Variants in TECPR1 observed in about 807,000 individuals in gnomAD.
The protein encoded by TECPR1 is tectonin beta-propeller repeat-containing protein 1.
In TECPR1, 122 loss-of-function variants were observed where a neutral mutation model predicts 162.4. The observed-to-expected ratio is 0.75, with a 90% CI of 0.65 to 0.87. The LOEUF (loss-of-function observed/expected upper bound fraction) is 0.87. Among genes scored for constraint, TECPR1 ranks in the 40% least tolerant of loss-of-function variants. The probability of loss-of-function intolerance (pLI) is 0.00; values close to 1 mark genes in which losing one functional copy is unlikely to be tolerated. For synonymous variants in TECPR1, 642 were observed against 670.6 expected, an observed-to-expected ratio of 0.96 and a Z score of 0.66; for missense variants, 1,432 against 1,618.2, an observed-to-expected ratio of 0.88 and a Z score of 1.97.
In TECPR1 at chr7:98,241,136, G is replaced by A. The variant is rs1798736349; in HGVS notation, c.766C>T (p.Leu256=). The change falls in exon 7 of 26, where the codon CTG becomes TTG. Residue 256 remains leucine, a synonymous_variant. Transcript: ENST00000447648. The surrounding 1 kb of genome is among the most constrained non-coding windows in gnomAD (Gnocchi z 5.0). The part of the protein sequence containing the change: ...VQISCGPHDL[L]WATLWEGQAL... ...TGTCCCTCCCAGAGTGTGGCCCACA[G>A]GAGGTCGTGGGGCCCACAGCTGATC... 4 of 1,612,744 alleles carry A rather than the reference G, an allele frequency of 2.5e-6. No individual in the cohort carries two copies. Among genetic ancestry groups the A allele is most frequent in the Non-Finnish European group, 3.4e-6 (4 of 1,179,740 alleles).
rs1030800512 is a variant in TECPR1 at position 98,241,713 on chromosome 7, G to C, written c.658-469C>G. Among the ~76,000 whole-genome samples the C allele has an allele frequency of 6.6e-6, 1 of 152,160 alleles. No homozygotes were observed. The highest frequency in any genetic ancestry group is 1.5e-5 in the Non-Finnish European group (1 of 68,012). The stretch of plus-strand genomic sequence containing the variant: ...AACTGTTTGGCTCATTTTAGCTGGG[G>C]GAGACTACATGTCACTTCGTGATCC... On this transcript the variant is annotated intron_variant, in intron 6 of 25. Coordinates refer to ENST00000447648, the MANE Select transcript of TECPR1 (RefSeq NM_015395.3). This position sits in a 1 kb window ranked among gnomAD's most constrained non-coding sequence, Gnocchi z 5.0.
chr7:98,248,893 C>CT (rs1300292647), intron 2 of TECPR1, among the ~76,000 whole-genome samples: 4,250 of 139,610 alleles, frequency 0.03, 137 homozygotes, highest in African/African-American at 0.078. Flanking sequence ...CAAGGTGCAT[C>CT]TTTTTTTTTT....
In TECPR1 at chr7:98,251,527, G is replaced by C. The variant is rs1799062874; in HGVS notation, c.-153C>G. ...TCGCTGGCTGCCAGGTGCAGGGGCT[G>C]TTCAAAAGCGACATCAGGGTCCTAA... On this transcript the variant is annotated 5_prime_UTR_variant, in exon 2 of 26. Coordinates refer to ENST00000447648, the MANE Select transcript of TECPR1 (RefSeq NM_015395.3). 1 of 152,308 alleles carries C rather than the reference G, an allele frequency of 6.6e-6. No homozygotes were observed. The highest frequency in any genetic ancestry group is 2.1e-4 in the South Asian group (1 of 4,832). The allele number at this position is 152,308 out of a possible 1,614,324, so 9.4% of individuals were successfully genotyped here.
At chr7:98,246,616 C>T (rs903330590) in intron 2 of TECPR1, among the ~76,000 whole-genome samples, 1 of 151,624 alleles carries the variant, frequency 6.6e-6, no homozygotes, top group Non-Finnish European at 1.5e-5. Context: ...GAGTCTCGCT[C>T]TGTTGCCCAG....
intron 2 of TECPR1, among the ~76,000 whole-genome samples, chr7:98,249,131 C>T (rs1241939360): frequency 1.3e-5 from 2 of 152,118 alleles, no homozygotes. Context: ...TCAGGTGATC[C>T]GTCCCAAAGT....
chr7:98,241,060 G>A lies in TECPR1; in HGVS notation c.832+10C>T. 1 of 1,599,066 alleles carries A rather than the reference G, an allele frequency of 6.3e-7. No homozygotes were observed. The highest frequency in any genetic ancestry group is 8.5e-7 in the Non-Finnish European group (1 of 1,172,150). ...ACAGGGTATGTGGGTGGGGGAGCCG[G>A]GCTGCCCACCTTTGGGATTGCTCCT... On this transcript the variant is annotated intron_variant, in intron 7 of 25. Transcript: ENST00000447648. The surrounding 1 kb of genome is among the most constrained non-coding windows in gnomAD (Gnocchi z 5.0).
In TECPR1 at chr7:98,232,699, C is replaced by T; in HGVS notation, c.1818+128G>A. 8.1e-7 allele frequency: 1 copy of T among 1,231,770 alleles called. No homozygotes were observed. The highest frequency in any genetic ancestry group is 2.8e-5 in the Admixed American group (1 of 35,250). The allele number at this position is 1,231,770 out of a possible 1,614,324, so 76.3% of individuals were successfully genotyped here. A position where few individuals can be genotyped will look rare whatever the true frequency, so the allele number is the denominator to read the frequency against. ...CCCTGAGCTCATTTCTCTATGCCTG[C>T]ATCTGGGCGGGAGACCAGGGGATGG... On this transcript the variant is annotated intron_variant, in intron 12 of 25. Coordinates refer to ENST00000447648, the MANE Select transcript of TECPR1 (RefSeq NM_015395.3). This position sits in a 1 kb window ranked among gnomAD's most constrained non-coding sequence, Gnocchi z 4.6.
chr7:98,243,731 C>T, intron 5 of TECPR1, 139 bp from the exon 6 acceptor site: 1 of 1,201,422 alleles, frequency 8.3e-7, no homozygotes, highest in South Asian at 1.6e-5. Context: ...GGGAAGGCAG[C>T]ATCAGGACTG....
intron 21 of TECPR1, 121 bp downstream of exon 21, chr7:98,222,869 A>G (rs1798178365): frequency 7.5e-7 from 1 of 1,336,956 alleles, no homozygotes; most frequent in African/African-American, 1.4e-5. Flanking sequence ...ACAGGGACCC[A>G]CTCGGACCAC....
Position 98,245,945 on chromosome 7 carries a change from G to T in TECPR1, c.202C>A (p.Arg68=). ...ACCTGATTCTCATAGGCCTCCTCTC[G>T]GCGGCGGATGGGGACATCGCTGGCA... ...VCASDVPIRR[R]EEAYENQRWN... Residue 68 remains arginine, a synonymous_variant, in exon 3 of 26, where the codon CGA becomes AGA. Transcript: ENST00000447648. 6.2e-7 allele frequency: 1 copy of T among 1,603,662 alleles called. No individual in the cohort carries two copies. The highest frequency in any genetic ancestry group is 1.3e-5 in the African/African-American group (1 of 74,884).
Position 98,235,523 on chromosome 7 carries a change from T to TAAA in TECPR1, c.1181+1250_1181+1252dup, listed in dbSNP as rs35562090. Among the ~76,000 whole-genome samples the TAAA allele has an allele frequency of 1.3e-3, 157 of 116,646 alleles. 2 individuals carry two copies. The highest frequency in any genetic ancestry group is 5.4e-3 in the Middle Eastern group (1 of 186). 76.5% of individuals were successfully genotyped at this position (116,646 alleles called of 152,430 possible). A position where few individuals can be genotyped will look rare whatever the true frequency, so the allele number is the denominator to read the frequency against. On this transcript the variant is annotated intron_variant, in intron 10 of 25. Transcript: ENST00000447648. Reference sequence around the variant, plus strand: ...CTGGGCGACAGAGTGAGACTCCGTCTAAAAAAAAAAAAAAAAAGAACTACC... The same window carrying TAAA: ...CTGGGCGACAGAGTGAGACTCCGTCTAAAAAAAAAAAAAAAAAAAAGAACTACC...
At position 98,229,054 on chromosome 7, in the gene TECPR1, C is replaced by T. The variant is rs762843469; in HGVS notation, c.2395G>A (p.Gly799Ser). 5 of 1,597,224 alleles carry T rather than the reference C, an allele frequency of 3.1e-6. No homozygotes were observed. In the African/African-American group the frequency reaches 4.0e-5, roughly 13 times the overall value. The stretch of plus-strand genomic sequence containing the variant: ...CCGCCCTCACCTTGGAAGCAGCCGC[C>T]TCCATAGCCGCCTGTGTATACCCAG... ...TAWVYTGGYG[G>S]GCFQGLASST... is the part of the protein sequence containing the mutation. The change falls in exon 16 of 26, where the codon GGC (glycine) becomes AGC (serine). Residue 799 changes from glycine (G) to serine (S), a missense_variant. Transcript: ENST00000447648.
rs988869714 is a variant in TECPR1 at position 98,232,238 on chromosome 7, C to G, written c.1819-279G>C. Reference sequence around the variant, plus strand: ...CGCCTTCTGCATGGGGAGACAGGCTCGGGAGGGTTCCGTGCCTGGCTTTGG... The same window carrying G: ...CGCCTTCTGCATGGGGAGACAGGCTGGGGAGGGTTCCGTGCCTGGCTTTGG... On this transcript the variant is annotated intron_variant, in intron 12 of 25. Coordinates refer to ENST00000447648, the MANE Select transcript of TECPR1 (RefSeq NM_015395.3). This position sits in a 1 kb window ranked among gnomAD's most constrained non-coding sequence, Gnocchi z 4.6. Among the ~76,000 whole-genome samples the G allele has an allele frequency of 2.0e-5, 3 of 152,074 alleles. No homozygotes were observed. Among genetic ancestry groups the G allele is most frequent in the Non-Finnish European group, 4.4e-5 (3 of 68,006 alleles).
rs768320137 is a variant in TECPR1 at position 98,241,040 on chromosome 7, G to T, written c.832+30C>A. ...CCCTCACCCTTCTCCCCAGTACAGG[G>T]TATGTGGGTGGGGGAGCCGGGCTGC... On this transcript the variant is annotated intron_variant, in intron 7 of 25. Transcript: ENST00000447648. This position sits in a 1 kb window ranked among gnomAD's most constrained non-coding sequence, Gnocchi z 5.0. The T allele has an allele frequency of 5.0e-6, 8 of 1,593,196 alleles. No homozygotes were observed. Among genetic ancestry groups the T allele is most frequent in the Non-Finnish European group, 6.0e-6 (7 of 1,169,452 alleles).
intron 2 of TECPR1, among the ~76,000 whole-genome samples, chr7:98,248,472 G>T (rs893896951): frequency 1.3e-5 from 2 of 149,656 alleles, no homozygotes; most frequent in Admixed American, 1.4e-4. Context: ...CAGACGGCCG[G>T]GTGACTGTGA....
chr7:98,228,094 G>A lies in TECPR1; in HGVS notation c.2433C>T (p.Asn811=). The A allele has an allele frequency of 1.2e-6, 2 of 1,611,674 alleles. No homozygotes were observed. Among genetic ancestry groups the A allele is most frequent in the Non-Finnish European group, 1.7e-6 (2 of 1,179,178 alleles). The change falls in exon 17 of 26, where the codon AAC becomes AAT. Residue 811 remains asparagine, a synonymous_variant. Coordinates refer to ENST00000447648, the MANE Select transcript of TECPR1 (RefSeq NM_015395.3). The stretch of plus-strand genomic sequence containing the variant: ...ACTTCACGTCTGACTGCGTGTAGAT[G>A]TTACTGGTGCTGCTGGCCAGGCCTG... The part of the protein sequence containing the change: ...CFQGLASSTS[N]IYTQSDVKCV...
intron 19 of TECPR1, among the ~76,000 whole-genome samples, 193 bp from the exon 20 acceptor site, chr7:98,223,911 A>T (rs910937700): frequency 2.0e-5 from 3 of 152,142 alleles, no homozygotes; most frequent in Non-Finnish European, 4.4e-5. Context: ...CGGCAGGATC[A>T]GGGTTGAGTG....
intron 22 of TECPR1, among the ~76,000 whole-genome samples, 152 bp from the exon 23 acceptor site, chr7:98,221,905 C>T (rs1044686802): frequency 6.6e-6 from 1 of 152,168 alleles, no homozygotes; most frequent in Admixed American, 6.5e-5. Flanking sequence ...TGCCGTCCAC[C>T]CAGCACTGTG....
chr7:98,241,156 C>A lies in TECPR1; in HGVS notation c.746G>T (p.Ser249Ile). Residue 249 changes from serine (S) to isoleucine (I), a missense_variant, in exon 7 of 26, where the codon AGC becomes ATC. Ser to Ile is a moderately radical substitution (Grantham distance 142, BLOSUM62 -2). Coordinates refer to ENST00000447648, the MANE Select transcript of TECPR1 (RefSeq NM_015395.3). This position sits in a 1 kb window ranked among gnomAD's most constrained non-coding sequence, Gnocchi z 5.0. ...CCACAGGAGGTCGTGGGGCCCACAG[C>A]TGATCTGAACCACCTCCCCGGGGGT... ...LDTPGEVVQI[S>I]CGPHDLLWAT... is the part of the protein sequence containing the mutation. The A allele has an allele frequency of 6.2e-7, 1 of 1,612,934 alleles. No homozygotes were observed. Among genetic ancestry groups the A allele is most frequent in the Non-Finnish European group, 8.5e-7 (1 of 1,179,850 alleles).
Sources: allele counts gnomAD v4.1 joint callset (sites outside exome capture counted in the v4.1 genomes callset), GRCh38; gene constraint gnomAD v4.1.1; non-coding constraint Gnocchi (gnomAD v3.1); transcripts MANE v1.5; gene names NCBI Gene and HGNC (gene_info 2026-07-23, HGNC 2026-07-21).